TMSB15B: variants seen among roughly 807,000 people sequenced by gnomAD.
The protein encoded by TMSB15B is thymosin beta 15B, also known as thymosin beta-15B.
At chrX:103,934,423 A>G (rs1461395005) in intron 1 of TMSB15B, among the ~76,000 whole-genome samples, 1 of 110,080 alleles carries the variant, frequency 9.1e-6, no homozygotes, top group Non-Finnish European at 1.9e-5. Flanking sequence ...CATGTGCCAT[A>G]GTGGTTTGCT....
intron 1 of TMSB15B, among the ~76,000 whole-genome samples, chrX:103,955,469 A>G (rs2075049082): frequency 9.1e-6 from 1 of 110,158 alleles, no homozygotes; most frequent in Non-Finnish European, 1.9e-5. Context: ...GAGCTGCAAA[A>G]CACACTACAA....
chrX:103,941,095 G>T (rs782466540), intron 1 of TMSB15B, among the ~76,000 whole-genome samples: 1 of 111,840 alleles, frequency 8.9e-6, no homozygotes, highest in Non-Finnish European at 1.9e-5. Flanking sequence ...TGGAAATGCA[G>T]AAATCACCCA....
At chrX:103,937,940 C>T (rs1184389594) in intron 1 of TMSB15B, among the ~76,000 whole-genome samples, 1 of 111,746 alleles carries the variant, frequency 8.9e-6, no homozygotes, top group African/African-American at 3.2e-5. Context: ...AGTAGTCATT[C>T]AGGAGCAGGT....
intron 1 of TMSB15B, among the ~76,000 whole-genome samples, chrX:103,927,918 G>A (rs1427797249): frequency 1.7e-4 from 19 of 111,787 alleles, no homozygotes; most frequent in Non-Finnish European, 1.1e-4. Context: ...ATTTCTTAAG[G>A]GTGTGCTTAT....
intron 1 of TMSB15B, among the ~76,000 whole-genome samples, chrX:103,948,475 C>G (rs1340651929): frequency 4.5e-5 from 5 of 111,566 alleles, no homozygotes; most frequent in African/African-American, 1.6e-4. Flanking sequence ...GAGGCTATTG[C>G]AAGAACATGA....
In TMSB15B at chrX:103,924,397, T is replaced by A. The variant is rs188619798; in HGVS notation, c.-721+5105T>A. 1.4e-3 allele frequency among the ~76,000 whole-genome samples: 161 copies of A among 112,062 alleles called. 1 individual carries two copies. Among genetic ancestry groups the A allele is most frequent in the Non-Finnish European group, 2.6e-3 (140 of 53,194 alleles). ...CAAGATCCTATTCTACTCTACTCAGTTAAGGACTGTGTCATATGCCCCTTC... is the reference window on the plus strand; with the variant it reads ...CAAGATCCTATTCTACTCTACTCAGATAAGGACTGTGTCATATGCCCCTTC... On this transcript the variant is annotated intron_variant, in intron 1 of 3. Transcript: ENST00000419165.
chrX:103,955,690 G>T (rs1434249508), intron 1 of TMSB15B, among the ~76,000 whole-genome samples: 1 of 111,216 alleles, frequency 9.0e-6, no homozygotes, highest in African/African-American at 3.3e-5. Flanking sequence ...GAAAGAGATG[G>T]GAAGAATGGA....
chrX:103,921,569 GC>G (rs2074953028), intron 1 of TMSB15B, among the ~76,000 whole-genome samples: 1 of 111,986 alleles, frequency 8.9e-6, no homozygotes, highest in Non-Finnish European at 1.9e-5. Flanking sequence ...GGGAGTATTT[GC>G]AACCTGGCTC....
chrX:103,939,897 C>G (rs2075008158), intron 1 of TMSB15B, among the ~76,000 whole-genome samples: 2 of 111,957 alleles, frequency 1.8e-5, no homozygotes, highest in Non-Finnish European at 3.8e-5. Context: ...TGTTGGTTTT[C>G]CTTCTATCAG....
chrX:103,934,338 G>GTTTT (rs797036022), intron 1 of TMSB15B, among the ~76,000 whole-genome samples: 2 of 104,895 alleles, frequency 1.9e-5, no homozygotes, highest in Admixed American at 2.0e-4. Context: ...GATTGCATTA[G>GTTTT]TTTTTTTTTT....
intron 1 of TMSB15B, among the ~76,000 whole-genome samples, chrX:103,947,264 A>G (rs2075027966): frequency 8.9e-6 from 1 of 112,007 alleles, no homozygotes; most frequent in Non-Finnish European, 1.9e-5. Context: ...AAGAATCCAG[A>G]CACAGAGGAG....
intron 1 of TMSB15B, chrX:103,928,610 G>C (rs138937800): frequency 8.6e-7 from 1 of 1,165,485 alleles, no homozygotes; most frequent in East Asian, 3.0e-5. Flanking sequence ...CGGCTGTCAC[G>C]GGGCTACTAC....
At chrX:103,951,780 A>G (rs1281298392) in intron 1 of TMSB15B, among the ~76,000 whole-genome samples, 1 of 111,611 alleles carries the variant, frequency 9.0e-6, no homozygotes, top group Non-Finnish European at 1.9e-5. Flanking sequence ...AGAGAGGACA[A>G]TAAAGGGAAG....
chrX:103,951,614 G>A (rs190228591), intron 1 of TMSB15B, among the ~76,000 whole-genome samples: 1 of 111,564 alleles, frequency 9.0e-6, no homozygotes, highest in African/African-American at 3.3e-5. Context: ...AGCTTTAGCT[G>A]TATGGGTGCA....
intron 1 of TMSB15B, chrX:103,928,919 T>A: frequency 8.3e-7 from 1 of 1,206,407 alleles, no homozygotes; most frequent in Non-Finnish European, 1.1e-6. Flanking sequence ...GGAGGCTCCC[T>A]GGTCATCCTA....
rs1438060352 is a variant in TMSB15B, at chrX:103,928,760, A to G, written c.-721+9468A>G. 6 of 1,178,034 alleles carry G rather than the reference A, an allele frequency of 5.1e-6. No individual in the cohort carries two copies. In the East Asian group the frequency reaches 8.9e-5, roughly 18 times the overall value. ...GCCTTGGTGTCTGGTAGTGTCAATGAAACAATCACCTGCCTAGTTCTGTAT... is the reference window on the plus strand; with the variant it reads ...GCCTTGGTGTCTGGTAGTGTCAATGGAACAATCACCTGCCTAGTTCTGTAT... On this transcript the variant is annotated intron_variant, in intron 1 of 3. Transcript: ENST00000419165.
chrX:103,929,138 A>C, intron 1 of TMSB15B: 1 of 487,795 alleles, frequency 2.1e-6, no homozygotes, highest in Non-Finnish European at 3.2e-6. Flanking sequence ...CTGTAAACTC[A>C]TTGCATGGGA....
chrX:103,927,532 A>C (rs1182369969), intron 1 of TMSB15B, among the ~76,000 whole-genome samples: 7 of 111,851 alleles, frequency 6.3e-5, no homozygotes, highest in African/African-American at 1.9e-4. Flanking sequence ...AAACAGCTAC[A>C]ACTTGGGCAG....
chrX:103,921,050 C>T (rs1208961473), intron 1 of TMSB15B, among the ~76,000 whole-genome samples: 4 of 112,502 alleles, frequency 3.6e-5, no homozygotes, highest in African/African-American at 6.5e-5. Context: ...CTTCCACTGC[C>T]GTTGGCTTCA....
Sources: allele counts gnomAD v4.1 joint callset (sites outside exome capture counted in the v4.1 genomes callset), GRCh38; gene constraint gnomAD v4.1.1; transcripts MANE v1.5; gene names NCBI Gene and HGNC (gene_info 2026-07-23, HGNC 2026-07-21).